Variants in DNTTIP1 observed in about 807,000 individuals in gnomAD.
The protein encoded by DNTTIP1 is deoxynucleotidyltransferase terminal interacting protein 1, also known as deoxynucleotidyltransferase terminal-interacting protein 1.
In DNTTIP1, 22 loss-of-function variants were observed where a neutral mutation model predicts 52.9. The ratio of observed to expected loss-of-function variants is 0.42; its 90% confidence interval spans 0.30 to 0.59. The LOEUF (loss-of-function observed/expected upper bound fraction) is 0.59. Ranked by LOEUF, DNTTIP1 falls within the 20% of genes least tolerant of loss-of-function variation. DNTTIP1 has a pLI of 0.22. For synonymous variants in DNTTIP1, 136 were observed against 155.1 expected (o/e 0.88, Z 0.92); for missense variants, 286 against 435.5 (o/e 0.66, Z 3.06).
Position 45,801,993 on chromosome 20 carries a change from T to C in DNTTIP1, c.499-6T>C. 6.2e-7 allele frequency: 1 copy of C among 1,614,162 alleles called. No homozygotes were observed. The highest frequency in any genetic ancestry group is 8.5e-7 in the Non-Finnish European group (1 of 1,180,012). On this transcript the variant is annotated splice_region_variant and splice_polypyrimidine_tract_variant and intron_variant, in intron 6 of 12. Coordinates refer to ENST00000372622, the MANE Select transcript of DNTTIP1 (RefSeq NM_052951.3). ...TCAGACCTCTGACAGCTGTTTTTTG[T>C]GGCAGAGGAAAGGACGGCCTCCTGG...
intron 4 of DNTTIP1, among the ~76,000 whole-genome samples, chr20:45,799,379 A>G (rs1981348125): frequency 6.6e-6 from 1 of 152,184 alleles, no homozygotes; most frequent in African/African-American, 2.4e-5. Flanking sequence ...GCACTGTCAA[A>G]TGCCACTGGC....
Position 45,810,869 on chromosome 20 carries a change from C to T in DNTTIP1, c.796-16C>T, listed in dbSNP as rs1359473167. 6.2e-7 allele frequency: 1 copy of T among 1,613,568 alleles called. No homozygotes were observed. The highest frequency in any genetic ancestry group is 8.5e-7 in the Non-Finnish European group (1 of 1,179,488). ...ATGAATCAGGCAATGACCACTCTCCCTTGCTCCTGCCTCAGGCCTACCTCC... is the reference window on the plus strand; with the variant it reads ...ATGAATCAGGCAATGACCACTCTCCTTTGCTCCTGCCTCAGGCCTACCTCC... On this transcript the variant is annotated splice_polypyrimidine_tract_variant and intron_variant, in intron 11 of 12. Coordinates refer to ENST00000372622, the MANE Select transcript of DNTTIP1 (RefSeq NM_052951.3).
At chr20:45,801,854 A>G in intron 6 of DNTTIP1, 145 bp from the exon 7 acceptor site, 1 of 853,726 alleles carries the variant, frequency 1.2e-6, no homozygotes, top group Non-Finnish European at 2.0e-6. Flanking sequence ...CTTCCTAGAC[A>G]TGAGAGGCAG....
intron 10 of DNTTIP1, among the ~76,000 whole-genome samples, chr20:45,806,909 T>G (rs1230034744): frequency 1.3e-5 from 2 of 152,220 alleles, no homozygotes; most frequent in Non-Finnish European, 2.9e-5. Context: ...CCAAAATCAA[T>G]ATGCTTTTGG....
chr20:45,810,909 A>G lies in DNTTIP1; in HGVS notation c.820A>G (p.Ile274Val), dbSNP rs1214929128. Reference protein sequence around the residue: ...KMAYLLIEEDIRDLAASDDYR... With the variant: ...KMAYLLIEEDVRDLAASDDYR... Reference sequence around the variant, plus strand: ...GGCCTACCTCCTCATCGAGGAGGACATCCGGGACCTTGCGGCCAGTGATGA... The same window carrying G: ...GGCCTACCTCCTCATCGAGGAGGACGTCCGGGACCTTGCGGCCAGTGATGA... The change falls in exon 12 of 13, where the codon ATC becomes GTC. Residue 274 changes from isoleucine (I) to valine (V), a missense_variant. Physicochemically the swap from Ile to Val is conservative, Grantham distance 29. Around this residue, in one of 2 missense-constraint regions of DNTTIP1, gnomAD observed 78 missense variants for 169.0 expected, o/e 0.46. Coordinates refer to ENST00000372622, the MANE Select transcript of DNTTIP1 (RefSeq NM_052951.3). 6.2e-7 allele frequency: 1 copy of G among 1,614,070 alleles called. No individual in the cohort carries two copies. The highest frequency in any genetic ancestry group is 1.3e-5 in the African/African-American group (1 of 74,918).
At chr20:45,794,482 C>T (rs538411062) in intron 3 of DNTTIP1, among the ~76,000 whole-genome samples, 19 of 152,030 alleles carry the variant, frequency 1.2e-4, no homozygotes, top group African/African-American at 4.6e-4. Context: ...GAATTTTATT[C>T]CCTCCTTGAG....
chr20:45,800,679 T>TAAAAAA (rs144859982), intron 4 of DNTTIP1, among the ~76,000 whole-genome samples: 12 of 14,686 alleles, frequency 8.2e-4, no homozygotes, highest in South Asian at 2.6e-3. Context: ...CATCTCAATT[T>TAAAAAA]AAAAAAAAAA....
intron 10 of DNTTIP1, among the ~76,000 whole-genome samples, chr20:45,808,310 C>T (rs550516126): frequency 6.6e-6 from 1 of 152,146 alleles, no homozygotes; most frequent in African/African-American, 2.4e-5. Flanking sequence ...TGCCACTGCA[C>T]TCTAGTCTGA....
intron 11 of DNTTIP1, among the ~76,000 whole-genome samples, chr20:45,810,120 C>T (rs1447560640): frequency 6.6e-6 from 1 of 152,116 alleles, no homozygotes; most frequent in African/African-American, 2.4e-5. Context: ...CTCATGGACA[C>T]CTGATCTGTT....
chr20:45,802,250 C>A (rs1011700853), intron 7 of DNTTIP1, among the ~76,000 whole-genome samples, 193 bp downstream of exon 7: 1 of 152,128 alleles, frequency 6.6e-6, no homozygotes, highest in African/African-American at 2.4e-5. Context: ...ACCCCCTGAA[C>A]GGTTTGGCCC....
chr20:45,796,413 G>T (rs1246886672), intron 4 of DNTTIP1: 4 of 455,904 alleles, frequency 8.8e-6, no homozygotes, highest in Non-Finnish European at 1.4e-5. Context: ...AATGGCTTAA[G>T]ACACATAATA....
At chr20:45,808,803 C>G (rs893332424) in intron 10 of DNTTIP1, among the ~76,000 whole-genome samples, 6 of 152,124 alleles carry the variant, frequency 3.9e-5, no homozygotes, top group Admixed American at 3.9e-4. Context: ...TATAAGCCAC[C>G]TCCGATCATT....
chr20:45,811,260 C>T lies in DNTTIP1; in HGVS notation c.*65C>T. 6.5e-7 allele frequency: 1 copy of T among 1,537,298 alleles called. No homozygotes were observed. Among genetic ancestry groups the T allele is most frequent in the Non-Finnish European group, 8.7e-7 (1 of 1,145,036 alleles). On this transcript the variant is annotated 3_prime_UTR_variant, in exon 13 of 13. Coordinates refer to ENST00000372622, the MANE Select transcript of DNTTIP1 (RefSeq NM_052951.3). The stretch of plus-strand genomic sequence containing the variant: ...AGCCCTCTTCCTCACGTGGCTGAGG[C>T]CACCGCTGGGACTGCTCCTAGATGG...
At chr20:45,800,749 A>G (rs1303420064) in intron 4 of DNTTIP1, among the ~76,000 whole-genome samples, 2 of 101,584 alleles carry the variant, frequency 2.0e-5, no homozygotes, top group Admixed American at 1.1e-4. Flanking sequence ...ATATATATAT[A>G]TATATATTTG....
At chr20:45,801,498 G>A (rs755287484) in intron 6 of DNTTIP1, 40 bp downstream of exon 6, 2 of 1,610,104 alleles carry the variant, frequency 1.2e-6, no homozygotes, top group East Asian at 2.2e-5. Flanking sequence ...CTGAAAAAAG[G>A]CTTGTCAGGC....
At chr20:45,803,266 A>G in intron 7 of DNTTIP1, 67 bp from the exon 8 acceptor site, 2 of 1,527,378 alleles carry the variant, frequency 1.3e-6, no homozygotes, top group South Asian at 2.3e-5. Flanking sequence ...TACCACCACC[A>G]GCAAGCTGGC....
At chr20:45,807,185 C>T (rs975533605) in intron 10 of DNTTIP1, among the ~76,000 whole-genome samples, 11 of 151,892 alleles carry the variant, frequency 7.2e-5, no homozygotes, top group African/African-American at 1.9e-4. Flanking sequence ...TGCAGTGGCG[C>T]GATCTCAGCT....
At chr20:45,803,951 C>T (rs1167842406) in intron 8 of DNTTIP1, among the ~76,000 whole-genome samples, 2 of 152,190 alleles carry the variant, frequency 1.3e-5, no homozygotes, top group African/African-American at 2.4e-5. Flanking sequence ...CTGAGTTCTT[C>T]CTCAGCAGTG....
intron 4 of DNTTIP1, among the ~76,000 whole-genome samples, chr20:45,799,632 C>CT (rs1235462962): frequency 1.3e-5 from 2 of 152,224 alleles, no homozygotes; most frequent in Non-Finnish European, 2.9e-5. Flanking sequence ...TGGTGGTTCT[C>CT]TGTCACATCT....
Sources: gnomAD v4.1 joint callset for allele counts (sites outside exome capture counted in the v4.1 genomes callset) on GRCh38, gnomAD v4.1.1 for gene constraint, gnomAD v4.1.1 regional missense constraint, MANE v1.5 for transcripts, NCBI Gene and HGNC (gene_info 2026-07-23, HGNC 2026-07-21) for gene names.